TRAF3: variants seen among roughly 807,000 people sequenced by gnomAD.
The protein encoded by TRAF3 is TNF receptor-associated factor 3.
In TRAF3, 13 loss-of-function variants were observed where a neutral mutation model predicts 62.3. The ratio of observed to expected loss-of-function variants is 0.21; its 90% CI spans 0.14 to 0.33. The LOEUF (loss-of-function observed/expected upper bound fraction) is 0.33. TRAF3 is among the 10% of genes least tolerant of loss of function. The pLI, the probability that TRAF3 is intolerant of heterozygous loss-of-function variation, is 1.00. For missense variants in TRAF3, 440 were observed against 741.8 expected, an observed-to-expected ratio of 0.59 and a Z score of 4.73; for synonymous variants, 269 against 283.4, an observed-to-expected ratio of 0.95 and a Z score of 0.51.
rs1890859772 is a variant in TRAF3, at chr14:102,911,360, GTATT to G, written c.*5582_*5585del. On this transcript the variant is annotated 3_prime_UTR_variant, in exon 12 of 12. Transcript: ENST00000392745. The stretch of plus-strand genomic sequence containing the variant: ...TGTATATTATGTGTGGTTTTATTTG[GTATT>G]TATTTGTGTTTTGAGGTCTTGCAAT... The G allele has an allele frequency of 6.6e-6, 1 of 152,138 alleles. No individual in the cohort carries two copies. The highest frequency in any genetic ancestry group is 2.4e-5 in the African/African-American group (1 of 41,414). 9.4% of individuals were successfully genotyped at this position (152,138 alleles called of 1,614,324 possible). A position where few individuals can be genotyped will look rare whatever the true frequency, so the allele number is the denominator to read the frequency against.
At chr14:102,904,024 C>T (rs1369765293) in intron 11 of TRAF3, 1 of 356,052 alleles carries the variant, frequency 2.8e-6, no homozygotes, top group Non-Finnish European at 5.6e-6. Flanking sequence ...TCCAAGAGAG[C>T]AGAGGCCACC....
rs1264999622 is a variant in TRAF3 at position 102,905,257 on chromosome 14, G to A, written c.1180G>A (p.Val394Met). The change falls in exon 12 of 12, where the codon GTG (valine) becomes ATG (methionine). Residue 394 changes from valine (V) to methionine (M), a missense_variant. Val to Met is a conservative substitution (Grantham distance 21). Around this residue, in one of 6 missense-constraint regions of TRAF3, gnomAD observed 42 missense variants for 86.1 expected, o/e 0.49. Transcript: ENST00000392745. ...GAGCCGGCATGACCAGATGCTGAGT[G>A]TGCACGACATCCGCCTAGCCGACAT... is the stretch of plus-strand genomic sequence containing the variant. ...QLSRHDQMLS[V>M]HDIRLADMDL... 1 of 1,614,206 alleles carries A rather than the reference G, an allele frequency of 6.2e-7. No individual in the cohort carries two copies. The highest frequency in any genetic ancestry group is 1.7e-5 in the Admixed American group (1 of 60,032).
chr14:102,892,257 C>T (rs1357321257), intron 9 of TRAF3, among the ~76,000 whole-genome samples: 1 of 152,146 alleles, frequency 6.6e-6, no homozygotes, highest in East Asian at 1.9e-4. Context: ...GGGGTTTCTC[C>T]ATGTTGGTCA....
intron 2 of TRAF3, among the ~76,000 whole-genome samples, chr14:102,851,929 C>G (rs1887067298): frequency 6.6e-6 from 1 of 151,884 alleles, no homozygotes; most frequent in Non-Finnish European, 1.5e-5. Context: ...GTGGTGCATG[C>G]CTGTAGTCCC....
chr14:102,889,569 C>T lies in TRAF3; in HGVS notation c.661C>T (p.His221Tyr). The change falls in exon 8 of 12, where the codon CAC becomes TAC. Residue 221 changes from histidine (H) to tyrosine (Y), a missense_variant. By Grantham distance (83) the His-to-Tyr change is moderately conservative. Around this residue, in one of 6 missense-constraint regions of TRAF3, gnomAD observed 255 missense variants for 424.1 expected, o/e 0.60. Coordinates refer to ENST00000392745, the MANE Select transcript of TRAF3 (RefSeq NM_145725.3). Reference sequence around the variant, plus strand: ...CTCTTTCCCGTTGCAGTTGAGTGCACACTTGTCAGAGTGTGTCAATGCCCC... The same window carrying T: ...CTCTTTCCCGTTGCAGTTGAGTGCATACTTGTCAGAGTGTGTCAATGCCCC... ...QTLLRSELSA[H>Y]LSECVNAPST... 1 of 1,614,192 alleles carries T rather than the reference C, an allele frequency of 6.2e-7. No individual in the cohort carries two copies. Among genetic ancestry groups the T allele is most frequent in the Non-Finnish European group, 8.5e-7 (1 of 1,180,028 alleles).
At chr14:102,807,034 G>A (rs1349426102) in intron 1 of TRAF3, among the ~76,000 whole-genome samples, 2 of 152,024 alleles carry the variant, frequency 1.3e-5, no homozygotes, top group African/African-American at 4.8e-5. Flanking sequence ...GTTTTCCCAC[G>A]TCCCTGGTCC....
At chr14:102,792,892 A>G (rs1897879736) in intron 1 of TRAF3, among the ~76,000 whole-genome samples, 1 of 151,164 alleles carries the variant, frequency 6.6e-6, no homozygotes, top group Non-Finnish European at 1.5e-5. Context: ...CCCAGGCTGG[A>G]GTGCAGTGGT....
At chr14:102,785,416 T>C (rs1462086871) in intron 1 of TRAF3, among the ~76,000 whole-genome samples, 2 of 152,230 alleles carry the variant, frequency 1.3e-5, no homozygotes, top group Non-Finnish European at 2.9e-5. Flanking sequence ...TGTGTTTTCT[T>C]TCTCCTTTCT....
rs1282581294 is a variant in TRAF3, at chr14:102,909,287, C to G, written c.*3503C>G. 6.6e-6 allele frequency: 1 copy of G among 152,286 alleles called. No individual in the cohort carries two copies. Among genetic ancestry groups the G allele is most frequent in the Non-Finnish European group, 1.5e-5 (1 of 68,078 alleles). 9.4% of individuals were successfully genotyped at this position (152,286 alleles called of 1,614,324 possible). On this transcript the variant is annotated 3_prime_UTR_variant, in exon 12 of 12. Coordinates refer to ENST00000392745, the MANE Select transcript of TRAF3 (RefSeq NM_145725.3). ...TTCTGTCTCCTGAGCGCAAGCCTCGCCGGACCCCTGGGCGAAGGCCTGGAC... is the reference window on the plus strand; with the variant it reads ...TTCTGTCTCCTGAGCGCAAGCCTCGGCGGACCCCTGGGCGAAGGCCTGGAC...
At chr14:102,815,666 T>A (rs770046251) in intron 1 of TRAF3, among the ~76,000 whole-genome samples, 1 of 152,228 alleles carries the variant, frequency 6.6e-6, no homozygotes, top group Non-Finnish European at 1.5e-5. Flanking sequence ...CTCATACTGC[T>A]ATAAAGAAAT....
At chr14:102,864,209 C>T (rs536406596) in intron 2 of TRAF3, among the ~76,000 whole-genome samples, 5 of 143,764 alleles carry the variant, frequency 3.5e-5, no homozygotes, top group South Asian at 2.2e-4. Context: ...AGTGCAGTGG[C>T]GCCATCACGG....
chr14:102,779,477 C>G lies in TRAF3; in HGVS notation c.-157+1802C>G, dbSNP rs1387683715. On this transcript the variant is annotated intron_variant, in intron 1 of 11. Coordinates refer to ENST00000392745, the MANE Select transcript of TRAF3 (RefSeq NM_145725.3). ...TTCTGTTAATACCATCAAAATATCC[C>G]TACTCTTGTTTGTGCCTTGAAGAAA... 2.6e-5 allele frequency among the ~76,000 whole-genome samples: 4 copies of G among 152,078 alleles called. No individual in the cohort carries two copies. The East Asian group carries it at 7.7e-4, about 29-fold the overall frequency.
chr14:102,782,777 C>T (rs1227790236), intron 1 of TRAF3, among the ~76,000 whole-genome samples: 1 of 151,846 alleles, frequency 6.6e-6, no homozygotes, highest in African/African-American at 2.4e-5. Context: ...AAAGATATGG[C>T]GACCTGCTGC....
At chr14:102,854,120 AT>A (rs201645410) in intron 2 of TRAF3, among the ~76,000 whole-genome samples, 13 of 151,368 alleles carry the variant, frequency 8.6e-5, no homozygotes, top group Middle Eastern at 3.4e-3. Flanking sequence ...ATAGTACCTC[AT>A]TTTTTTTTAT....
intron 1 of TRAF3, among the ~76,000 whole-genome samples, chr14:102,822,694 C>T (rs1566756506): frequency 1.3e-5 from 2 of 152,152 alleles, no homozygotes; most frequent in Non-Finnish European, 2.9e-5. Context: ...CGACATGATT[C>T]TCTTCCTGCG....
chr14:102,851,847 A>G (rs575683084), intron 2 of TRAF3, among the ~76,000 whole-genome samples: 37 of 152,116 alleles, frequency 2.4e-4, no homozygotes, highest in Non-Finnish European at 4.0e-4. Flanking sequence ...TCTGGGCCAC[A>G]TTGGCGAGAC....
At chr14:102,778,138 G>C (rs1458644682) in intron 1 of TRAF3, among the ~76,000 whole-genome samples, 1 of 150,924 alleles carries the variant, frequency 6.6e-6, no homozygotes, top group Non-Finnish European at 1.5e-5. Context: ...TGGAAAGTTG[G>C]TCCTGAGTCA....
intron 10 of TRAF3, among the ~76,000 whole-genome samples, chr14:102,898,400 G>T (rs4906270): frequency 0.37 from 56,751 of 152,148 alleles, 14,688 homozygotes; most frequent in African/African-American, 0.73. Context: ...CAAGCCTCCC[G>T]CTGGAAGCCC....
At chr14:102,819,492 C>T (rs1899761931) in intron 1 of TRAF3, among the ~76,000 whole-genome samples, 1 of 152,212 alleles carries the variant, frequency 6.6e-6, no homozygotes, top group Non-Finnish European at 1.5e-5. Context: ...CATCGCTCAG[C>T]ATGTTTGTAG....
Sources: gnomAD v4.1 joint callset for allele counts (sites outside exome capture counted in the v4.1 genomes callset) on GRCh38, gnomAD v4.1.1 for gene constraint, gnomAD v4.1.1 regional missense constraint, MANE v1.5 for transcripts, NCBI Gene and HGNC (gene_info 2026-07-23, HGNC 2026-07-21) for gene names.